The following SAMD3 variants were observed in gnomAD, a reference collection of about 807,000 sequenced individuals.
SAMD3 encodes sterile alpha motif domain containing 3, also known as sterile alpha motif domain-containing protein 3.
SAMD3 carries 63 observed loss-of-function variants against 58.5 expected under a neutral mutation model. The ratio of observed to expected loss-of-function variants is 1.08; its 90% CI spans 0.88 to 1.33. SAMD3 has a LOEUF of 1.33. Ranked by LOEUF, SAMD3 falls within the 40% of genes most tolerant of loss-of-function variation. SAMD3 has a pLI of 0.00. For missense variants in SAMD3, 604 were observed against 608.4 expected, an observed-to-expected ratio of 0.99 and a Z score of 0.08; for synonymous variants, 220 against 210.3, an observed-to-expected ratio of 1.05 and a Z score of -0.40.
At chr6:130,324,654 T>A (rs1776695926) in intron 1 of SAMD3, among the ~76,000 whole-genome samples, 1 of 152,182 alleles carries the variant, frequency 6.6e-6, no homozygotes, top group South Asian at 2.1e-4. Flanking sequence ...AAAATTAGGC[T>A]GGGAAGAAGC....
Position 130,148,682 on chromosome 6 carries a change from G to A in SAMD3, c.1024-2501C>T, listed in dbSNP as rs145576299. On this transcript the variant is annotated intron_variant, in intron 9 of 11. Coordinates refer to ENST00000439090, the MANE Select transcript of SAMD3 (RefSeq NM_001017373.4). ...GAGCCCAGGAGTTTGAGACCAGCCTGAGCAACATGGCGAAATCTGTCTCTA... is the reference window on the plus strand; with the variant it reads ...GAGCCCAGGAGTTTGAGACCAGCCTAAGCAACATGGCGAAATCTGTCTCTA... 8.1e-3 allele frequency among the ~76,000 whole-genome samples: 1,240 copies of A among 152,214 alleles called. 22 individuals are homozygous for A. Among genetic ancestry groups the A allele is most frequent in the African/African-American group, 0.028 (1,169 of 41,530 alleles).
intron 9 of SAMD3, among the ~76,000 whole-genome samples, chr6:130,148,423 G>C (rs990669694): frequency 6.6e-6 from 1 of 152,206 alleles, no homozygotes. Flanking sequence ...TAGTGTGCAA[G>C]CACTTCCTTC....
chr6:130,185,630 T>G (rs1418128251), intron 5 of SAMD3, among the ~76,000 whole-genome samples: 1 of 128,394 alleles, frequency 7.8e-6, no homozygotes, highest in Admixed American at 7.4e-5. Context: ...TCTGCCCAAT[T>G]TTTTTTTTTT....
upstream of SAMD3, among the ~76,000 whole-genome samples, chr6:130,224,592 TTTATTA>T (rs147379974): frequency 8.6e-3 from 1,232 of 143,888 alleles, 13 homozygotes; most frequent in East Asian, 0.038. Context: ...ACTCTATTTA[TTTATTA>T]TTATTATTAT....
chr6:130,284,370 A>T (rs1318789426), intron 2 of SAMD3, among the ~76,000 whole-genome samples: 1 of 152,184 alleles, frequency 6.6e-6, no homozygotes, highest in East Asian at 1.9e-4. Flanking sequence ...ACAGAAACTG[A>T]TCATATAATA....
At chr6:130,288,503 AC>A (rs1412371624) in intron 2 of SAMD3, among the ~76,000 whole-genome samples, 1 of 152,262 alleles carries the variant, frequency 6.6e-6, no homozygotes, top group Non-Finnish European at 1.5e-5. Flanking sequence ...GTTTGACTAA[AC>A]AACTGTGTAC....
chr6:130,216,090 C>T (rs887577142), intron 2 of SAMD3, among the ~76,000 whole-genome samples: 5 of 56,468 alleles, frequency 8.9e-5, no homozygotes, highest in Admixed American at 5.0e-4. Context: ...GTGAAAGAAG[C>T]GTAGGCAAGT....
At chr6:130,214,914 CA>C (rs1270267094) in intron 3 of SAMD3, among the ~76,000 whole-genome samples, 1 of 152,126 alleles carries the variant, frequency 6.6e-6, no homozygotes, top group Non-Finnish European at 1.5e-5. Flanking sequence ...TACTTAAGAA[CA>C]AAAGCAATAT....
At chr6:130,184,251 G>A in intron 6 of SAMD3, 64 bp from the exon 7 acceptor site, 1 of 1,358,554 alleles carries the variant, frequency 7.4e-7, no homozygotes, top group East Asian at 2.3e-5. Context: ...CCTTTAAGAT[G>A]AGTCTAATTA....
In SAMD3 at chr6:130,330,226, A is replaced by T. The variant is rs538294215; in HGVS notation, c.-303-17133T>A. Among the ~76,000 whole-genome samples the T allele has an allele frequency of 5.8e-4, 89 of 152,290 alleles. 1 individual carries two copies. The South Asian group carries it at 7.1e-3, about 12-fold the overall frequency. ...CAGAAGATGAGAGGATATTTTCTAAATTTGAGGTGGATAACAAAGGGCACT... is the reference window on the plus strand; with the variant it reads ...CAGAAGATGAGAGGATATTTTCTAATTTTGAGGTGGATAACAAAGGGCACT... On this transcript the variant is annotated intron_variant, in intron 1 of 13. Transcript: ENST00000368134.
chr6:130,247,105 C>T lies in SAMD3; in HGVS notation c.-187-24292G>A, dbSNP rs116955046. On this transcript the variant is annotated intron_variant, in intron 2 of 13. Coordinates refer to the SAMD3 transcript ENST00000368134. ...AGTGAATAAAATGAACCTGAGACATCCTGCACATTAGAAATAAAAGGAGCT... is the reference window on the plus strand; with the variant it reads ...AGTGAATAAAATGAACCTGAGACATTCTGCACATTAGAAATAAAAGGAGCT... Among the ~76,000 whole-genome samples the T allele has an allele frequency of 4.6e-3, 706 of 152,234 alleles. 2 individuals are homozygous for T. The highest frequency in any genetic ancestry group is 7.4e-3 in the Non-Finnish European group (505 of 68,012).
chr6:130,186,211 C>G (rs1331495354), intron 5 of SAMD3, among the ~76,000 whole-genome samples: 2 of 151,952 alleles, frequency 1.3e-5, no homozygotes, highest in African/African-American at 4.8e-5. Context: ...CTAAATTGGC[C>G]TAAGTAGGTT....
intron 2 of SAMD3, among the ~76,000 whole-genome samples, chr6:130,278,432 C>G (rs1363697675): frequency 1.3e-5 from 2 of 152,202 alleles, no homozygotes; most frequent in African/African-American, 4.8e-5. Context: ...ACAGCTCTGT[C>G]TAGGCAGTGG....
intron 2 of SAMD3, among the ~76,000 whole-genome samples, chr6:130,293,953 G>A (rs1466521031): frequency 6.6e-6 from 1 of 152,080 alleles, no homozygotes; most frequent in African/African-American, 2.4e-5. Context: ...AGCAGTGGGA[G>A]CAGAGCCTGC....
At chr6:130,314,215 T>A (rs904601199) in intron 1 of SAMD3, among the ~76,000 whole-genome samples, 1 of 152,236 alleles carries the variant, frequency 6.6e-6, no homozygotes, top group Non-Finnish European at 1.5e-5. Context: ...ACTCTTTTCA[T>A]GTTTCTTTTG....
chr6:130,334,856 C>T (rs60260917), intron 1 of SAMD3, among the ~76,000 whole-genome samples: 2,155 of 152,282 alleles, frequency 0.014, 45 homozygotes, highest in African/African-American at 0.049. Flanking sequence ...CTGAGAAATG[C>T]AGGGAGATGT....
chr6:130,241,957 A>C (rs1773372814), intron 2 of SAMD3, among the ~76,000 whole-genome samples: 1 of 152,190 alleles, frequency 6.6e-6, no homozygotes, highest in South Asian at 2.1e-4. Context: ...TATTTTTAAA[A>C]GTATATTTAA....
chr6:130,309,482 C>T (rs1421791224), intron 2 of SAMD3, among the ~76,000 whole-genome samples: 1 of 152,150 alleles, frequency 6.6e-6, no homozygotes, highest in Non-Finnish European at 1.5e-5. Context: ...ATTGTTGTTG[C>T]TTTTAAGTCC....
chr6:130,175,657 T>C (rs1218270031), intron 8 of SAMD3, 184 bp downstream of exon 8: 5 of 431,602 alleles, frequency 1.2e-5, no homozygotes, highest in African/African-American at 2.0e-5. Flanking sequence ...TGGGAATTCT[T>C]TTCTTGGAAA....
Sources: gnomAD v4.1 joint callset for allele counts (sites outside exome capture counted in the v4.1 genomes callset) on GRCh38, gnomAD v4.1.1 for gene constraint, MANE v1.5 for transcripts, NCBI Gene and HGNC (gene_info 2026-07-23, HGNC 2026-07-21) for gene names.